The following GDAP1L1 variants were observed in gnomAD, a reference collection of about 807,000 sequenced individuals.
The protein encoded by GDAP1L1 is ganglioside induced differentiation associated protein 1 like 1.
A neutral mutation model predicts 37.1 loss-of-function variants in GDAP1L1; 21 were observed. The observed-to-expected ratio is 0.57, with a 90% CI of 0.40 to 0.81. GDAP1L1 has a LOEUF of 0.81. Ranked by LOEUF, GDAP1L1 falls within the 40% of genes least tolerant of loss-of-function variation. GDAP1L1 has a pLI of 0.00. For synonymous variants in GDAP1L1, 193 were observed against 209.1 expected (o/e 0.92, Z 0.67); for missense variants, 362 against 491.6 (o/e 0.74, Z 2.49).
rs548287003 is a variant in GDAP1L1 at position 44,280,647 on chromosome 20, G to C, written c.*1347G>C. ...TTTGTTCTCATTAACCTGTGCAAGG[G>C]CCAGGTGTAGTGACTCATATTTATA... is the stretch of plus-strand genomic sequence containing the variant. On this transcript the variant is annotated 3_prime_UTR_variant, in exon 6 of 6. Transcript: ENST00000342560. The C allele has an allele frequency of 6.6e-6, 1 of 152,366 alleles. No individual in the cohort carries two copies. Among genetic ancestry groups the C allele is most frequent in the South Asian group, 2.1e-4 (1 of 4,832 alleles). The allele number at this position is 152,366 out of a possible 1,614,324, so 9.4% of individuals were successfully genotyped here. A position where few individuals can be genotyped will look rare whatever the true frequency, so the allele number is the denominator to read the frequency against.
intron 1 of GDAP1L1, among the ~76,000 whole-genome samples, chr20:44,251,880 T>G (rs775562851): frequency 6.6e-6 from 1 of 152,230 alleles, no homozygotes; most frequent in African/African-American, 2.4e-5. Context: ...CGGCGTTATA[T>G]AATAATATTT....
At chr20:44,251,858 C>G (rs921441945) in intron 1 of GDAP1L1, among the ~76,000 whole-genome samples, 6 of 152,218 alleles carry the variant, frequency 3.9e-5, no homozygotes, top group African/African-American at 1.4e-4. Context: ...GAAAACCAAT[C>G]GTATTGAAGT....
At chr20:44,271,774 G>T (rs79352212) in intron 5 of GDAP1L1, among the ~76,000 whole-genome samples, 4,714 of 152,168 alleles carry the variant, frequency 0.031, 157 homozygotes, top group East Asian at 0.13. Context: ...CAGAGGCCAC[G>T]AAGACAGGAG....
At chr20:44,271,783 A>C (rs1480900143) in intron 5 of GDAP1L1, among the ~76,000 whole-genome samples, 1 of 152,130 alleles carries the variant, frequency 6.6e-6, no homozygotes, top group Non-Finnish European at 1.5e-5. Context: ...CGAAGACAGG[A>C]GGGGCGTGGT....
intron 1 of GDAP1L1, among the ~76,000 whole-genome samples, chr20:44,248,688 A>C (rs2073382508): frequency 2.0e-5 from 3 of 152,366 alleles, no homozygotes; most frequent in East Asian, 1.9e-4. Flanking sequence ...TTGAGCGTGC[A>C]TTAGAGTCCC....
At chr20:44,256,142 T>A (rs1296986464) in intron 1 of GDAP1L1, among the ~76,000 whole-genome samples, 1 of 152,194 alleles carries the variant, frequency 6.6e-6, no homozygotes, top group Non-Finnish European at 1.5e-5. Context: ...TGCTGCTGAA[T>A]TGCTGTGTGA....
intron 3 of GDAP1L1, among the ~76,000 whole-genome samples, chr20:44,260,886 A>C (rs912406058): frequency 1.3e-5 from 2 of 152,218 alleles, no homozygotes; most frequent in Non-Finnish European, 2.9e-5. Context: ...TGACGTGGTC[A>C]GATCTGCATT....
At position 44,269,054 on chromosome 20, in the gene GDAP1L1, C is replaced by T. The variant is rs551223309; in HGVS notation, c.760+4495C>T. Among the ~76,000 whole-genome samples, 19 of 152,214 alleles carry T rather than the reference C, an allele frequency of 1.2e-4. No homozygotes were observed. In the South Asian group the frequency reaches 2.1e-3, roughly 17 times the overall value. On this transcript the variant is annotated intron_variant, in intron 5 of 5. Coordinates refer to ENST00000342560, the MANE Select transcript of GDAP1L1 (RefSeq NM_024034.6). Reference sequence around the variant, plus strand: ...CGGCTTGCCTCTCACACATGGGGAGCGGCTGACCTCATTCCTGCATTTGCG... The same window carrying T: ...CGGCTTGCCTCTCACACATGGGGAGTGGCTGACCTCATTCCTGCATTTGCG...
At chr20:44,247,260 G>A (rs549942097), upstream of GDAP1L1, 25 of 1,463,898 alleles carry the variant, frequency 1.7e-5, no homozygotes, top group Non-Finnish European at 2.3e-5. Flanking sequence ...GGCTCGGCGA[G>A]GCCATGTGAT....
At position 44,279,364 on chromosome 20, in the gene GDAP1L1, T is replaced by G; in HGVS notation, c.*64T>G. On this transcript the variant is annotated 3_prime_UTR_variant, in exon 6 of 6. Transcript: ENST00000342560. ...CTGTGCTGTGTGATTCCCCGTGAGC[T>G]CTCAGTAACTCACTGTCTCATGAAC... is the stretch of plus-strand genomic sequence containing the variant. The G allele has an allele frequency of 9.7e-7, 1 of 1,026,902 alleles. No individual in the cohort carries two copies. Among genetic ancestry groups the G allele is most frequent in the Non-Finnish European group, 1.5e-6 (1 of 664,010 alleles). 63.6% of individuals were successfully genotyped at this position (1,026,902 alleles called of 1,614,324 possible).
chr20:44,257,291 A>G lies in GDAP1L1; in HGVS notation c.319A>G (p.Ile107Val), dbSNP rs1286232287. ...GCCCGTCATCATCCACCGCGACAAC[A>G]TCATCAGTGACTATGACCAGATCAT... is the stretch of plus-strand genomic sequence containing the variant. Reference protein sequence around the residue: ...EVPVIIHRDNIISDYDQIIDY... With the variant: ...EVPVIIHRDNVISDYDQIIDY... Residue 107 changes from isoleucine (I) to valine (V), a missense_variant, in exon 2 of 6, where the codon ATC (isoleucine) becomes GTC (valine). By Grantham distance (29) the Ile-to-Val change is conservative (BLOSUM62 3). Around this residue, in one of 2 missense-constraint regions of GDAP1L1, gnomAD observed 277 missense variants for 337.1 expected, o/e 0.82. Transcript: ENST00000342560. The G allele has an allele frequency of 1.2e-6, 2 of 1,614,042 alleles. No individual in the cohort carries two copies.
chr20:44,256,377 T>C (rs925184710), intron 1 of GDAP1L1, among the ~76,000 whole-genome samples: 1 of 152,162 alleles, frequency 6.6e-6, no homozygotes, highest in African/African-American at 2.4e-5. Context: ...ATGATAATAA[T>C]AAGAGTTTCT....
At chr20:44,275,976 T>G (rs1445709917) in intron 5 of GDAP1L1, among the ~76,000 whole-genome samples, 1 of 152,164 alleles carries the variant, frequency 6.6e-6, no homozygotes, top group South Asian at 2.1e-4. Context: ...ATTAGTAAGA[T>G]GTTAGTGCTT....
At chr20:44,260,314 T>C (rs1168012720) in intron 3 of GDAP1L1, among the ~76,000 whole-genome samples, 1 of 150,966 alleles carries the variant, frequency 6.6e-6, no homozygotes, top group Non-Finnish European at 1.5e-5. Context: ...TCTAGTGTGC[T>C]CTCATTAGTA....
At chr20:44,247,594 G>T in intron 1 of GDAP1L1, 80 bp downstream of exon 1, 1 of 1,327,134 alleles carries the variant, frequency 7.5e-7, no homozygotes, top group Non-Finnish European at 1.0e-6. Flanking sequence ...GGGATCTGAG[G>T]GCGGCGAAAG....
At chr20:44,258,837 C>T (rs1381302639) in intron 3 of GDAP1L1, among the ~76,000 whole-genome samples, 4 of 151,970 alleles carry the variant, frequency 2.6e-5, no homozygotes, top group African/African-American at 4.8e-5. Flanking sequence ...GTTCCTCTTG[C>T]TTGCCATCCC....
At chr20:44,263,156 A>C in intron 3 of GDAP1L1, 74 bp from the exon 4 acceptor site, 3 of 1,125,204 alleles carry the variant, frequency 2.7e-6, no homozygotes, top group Middle Eastern at 3.9e-4. Context: ...GGCCTACTTC[A>C]AGTTGTGTAA....
chr20:44,247,607 T>C (rs2073356211), intron 1 of GDAP1L1, 93 bp downstream of exon 1: 3 of 1,172,440 alleles, frequency 2.6e-6, no homozygotes, highest in Non-Finnish European at 3.5e-6. Flanking sequence ...GGCGAAAGAC[T>C]GGAGGGGGGA....
intron 2 of GDAP1L1, among the ~76,000 whole-genome samples, chr20:44,257,685 G>A (rs2073587194): frequency 6.6e-6 from 1 of 151,910 alleles, no homozygotes; most frequent in Non-Finnish European, 1.5e-5. Context: ...AGCATGAGTG[G>A]CCCCAGACCA....
Sources: allele counts gnomAD v4.1 joint callset (sites outside exome capture counted in the v4.1 genomes callset), GRCh38; gene constraint gnomAD v4.1.1; regional missense constraint gnomAD v4.1.1; transcripts MANE v1.5; gene names NCBI Gene and HGNC (gene_info 2026-07-23, HGNC 2026-07-21).